The following NDST4 variants were observed in gnomAD, a reference collection of about 807,000 sequenced individuals.
NDST4 encodes N-deacetylase and N-sulfotransferase 4.
In NDST4, 63 loss-of-function variants were observed where a neutral mutation model predicts 100.8. That is an observed-to-expected ratio of 0.62 (90% CI 0.51 to 0.77). The LOEUF (loss-of-function observed/expected upper bound fraction) is 0.77, where lower values mean the gene tolerates loss of function less well. Among genes scored for constraint, NDST4 ranks in the 30% least tolerant of loss-of-function variants. NDST4 has a pLI of 0.00. For missense variants in NDST4, 943 were observed against 1,018.4 expected (o/e 0.93, Z 1.01); for synonymous variants, 377 against 361.8 (o/e 1.04, Z -0.48).
chr4:114,903,566 T>C (rs1220343434), intron 6 of NDST4, among the ~76,000 whole-genome samples: 2 of 152,036 alleles, frequency 1.3e-5, no homozygotes, highest in Non-Finnish European at 2.9e-5. Flanking sequence ...TAATTATTTG[T>C]ATTTGCATTT....
chr4:114,914,604 A>T (rs1290255798), intron 6 of NDST4, among the ~76,000 whole-genome samples: 1 of 152,306 alleles, frequency 6.6e-6, no homozygotes, highest in South Asian at 2.1e-4. Context: ...CTGTGTGTAG[A>T]CTATGGGGAA....
intron 4 of NDST4, among the ~76,000 whole-genome samples, chr4:114,956,145 G>A (rs994525799): frequency 5.3e-5 from 8 of 152,114 alleles, no homozygotes; most frequent in Admixed American, 2.0e-4. Flanking sequence ...TTCCATTCCA[G>A]GAAAGGAAAT....
chr4:115,018,728 A>G (rs1727743011), intron 2 of NDST4, among the ~76,000 whole-genome samples: 1 of 151,934 alleles, frequency 6.6e-6, no homozygotes, highest in Non-Finnish European at 1.5e-5. Flanking sequence ...CAAAATTTAG[A>G]ATATTGATAA....
intron 2 of NDST4, among the ~76,000 whole-genome samples, chr4:115,044,490 GGTCC>G (rs1728423055): frequency 6.6e-6 from 1 of 152,042 alleles, no homozygotes; most frequent in Admixed American, 6.6e-5. Flanking sequence ...AAGTGAAGAA[GGTCC>G]TCCAGAGATT....
At chr4:114,883,315 G>A (rs1254622276) in intron 6 of NDST4, among the ~76,000 whole-genome samples, 2 of 152,032 alleles carry the variant, frequency 1.3e-5, no homozygotes, top group African/African-American at 4.8e-5. Flanking sequence ...TAACAAGGAA[G>A]CATTGGGGAT....
intron 2 of NDST4, among the ~76,000 whole-genome samples, chr4:115,018,958 G>T (rs577398842): frequency 3.3e-5 from 5 of 151,732 alleles, no homozygotes; most frequent in Admixed American, 2.6e-4. Context: ...ATTTTTATAG[G>T]TAATAATTAT....
At chr4:115,054,462 A>C (rs191840928) in intron 2 of NDST4, among the ~76,000 whole-genome samples, 131 of 152,306 alleles carry the variant, frequency 8.6e-4, no homozygotes, top group Middle Eastern at 3.4e-3. Flanking sequence ...CTGATACAAT[A>C]AGAAATTTTA....
At chr4:114,923,756 A>G (rs979272638) in intron 6 of NDST4, among the ~76,000 whole-genome samples, 25 of 152,050 alleles carry the variant, frequency 1.6e-4, no homozygotes, top group African/African-American at 6.0e-4. Flanking sequence ...TTATCTGCTG[A>G]CTAACATCCA....
chr4:114,857,623 C>T (rs1342631025), intron 7 of NDST4, among the ~76,000 whole-genome samples: 3 of 152,200 alleles, frequency 2.0e-5, no homozygotes. Context: ...GGTGGCACTA[C>T]AGTTCCATTC....
intron 5 of NDST4, 73 bp from the exon 6 acceptor site, chr4:114,935,407 A>G (rs1386723246): frequency 1.5e-6 from 2 of 1,340,492 alleles, no homozygotes; most frequent in Non-Finnish European, 2.0e-6. Context: ...TCATAACTTT[A>G]GAATCTGCAA....
At chr4:114,973,837 G>A (rs909557871) in intron 3 of NDST4, among the ~76,000 whole-genome samples, 3 of 151,580 alleles carry the variant, frequency 2.0e-5, no homozygotes, top group Non-Finnish European at 4.4e-5. Flanking sequence ...TAAATGTTGA[G>A]ATATTTTCTA....
intron 1 of NDST4, among the ~76,000 whole-genome samples, chr4:115,112,676 T>G (rs1279435434): frequency 6.6e-6 from 1 of 151,924 alleles, no homozygotes; most frequent in African/African-American, 2.4e-5. Context: ...TTTCCTTATT[T>G]AGCTTTCTCA....
chr4:114,909,669 C>CAAAAAAAAAAA (rs773267929), intron 6 of NDST4, among the ~76,000 whole-genome samples: 915 of 61,446 alleles, frequency 0.015, 14 homozygotes, highest in Middle Eastern at 0.033. Flanking sequence ...GACTCCGTCT[C>CAAAAAAAAAAA]AAAAAAAAAA....
intron 4 of NDST4, among the ~76,000 whole-genome samples, chr4:114,940,029 T>C (rs1725715097): frequency 6.6e-6 from 1 of 152,106 alleles, no homozygotes; most frequent in Admixed American, 6.5e-5. Context: ...CCAAGCATCA[T>C]ATTTCCAGAA....
intron 7 of NDST4, among the ~76,000 whole-genome samples, chr4:114,864,238 G>A (rs1258806316): frequency 1.3e-5 from 2 of 152,098 alleles, no homozygotes; most frequent in Admixed American, 1.3e-4. Flanking sequence ...CTTTAAAAAT[G>A]CCCAGTGCTC....
At chr4:114,958,712 T>G (rs2126235213) in intron 4 of NDST4, among the ~76,000 whole-genome samples, 1 of 152,336 alleles carries the variant, frequency 6.6e-6, no homozygotes, top group South Asian at 2.1e-4. Context: ...TGGAGACGTT[T>G]TCCCCATTGT....
Position 115,076,868 on chromosome 4 carries a change from T to A in NDST4, c.169A>T (p.Ile57Phe). 5.6e-6 allele frequency: 9 copies of A among 1,613,876 alleles called. No homozygotes were observed. The highest frequency in any genetic ancestry group is 7.6e-6 in the Non-Finnish European group (9 of 1,179,886). ...AGCTCCATTGACCTATATGGTAGAATTTTGATGTCAGTGCATTCTGCTTCT... is the reference window on the plus strand; with the variant it reads ...AGCTCCATTGACCTATATGGTAGAAATTTGATGTCAGTGCATTCTGCTTCT... The part of the protein sequence containing the change: ...TAEAECTDIK[I>F]LPYRSMELKT... The change falls in exon 2 of 14, where the codon ATT (isoleucine) becomes TTT (phenylalanine). Residue 57 changes from isoleucine to phenylalanine, a missense_variant. Around this residue, in one of 2 missense-constraint regions of NDST4, gnomAD observed 417 missense variants for 384.2 expected, o/e 1.09. Transcript: ENST00000264363.
chr4:115,002,755 TC>T (rs1727322011), intron 2 of NDST4, among the ~76,000 whole-genome samples: 1 of 152,164 alleles, frequency 6.6e-6, no homozygotes, highest in Non-Finnish European at 1.5e-5. Context: ...TATAAATCTT[TC>T]TACTATAAAG....
intron 1 of NDST4, among the ~76,000 whole-genome samples, chr4:115,083,937 G>A (rs920955061): frequency 2.0e-5 from 3 of 152,078 alleles, no homozygotes; most frequent in African/African-American, 2.4e-5. Flanking sequence ...AATACACTAA[G>A]CAAGTACCTC....
Sources: allele counts gnomAD v4.1 joint callset (sites outside exome capture counted in the v4.1 genomes callset), GRCh38; gene constraint gnomAD v4.1.1; regional missense constraint gnomAD v4.1.1; transcripts MANE v1.5; gene names NCBI Gene and HGNC (gene_info 2026-07-23, HGNC 2026-07-21).